TMC2: variants seen among roughly 807,000 people sequenced by gnomAD.
The protein encoded by TMC2 is transmembrane channel like 2, also known as transmembrane channel-like protein 2.
In TMC2, 102 loss-of-function variants were observed where a neutral mutation model predicts 105.9. That is an observed-to-expected ratio of 0.96 (90% CI 0.82 to 1.14). The LOEUF (loss-of-function observed/expected upper bound fraction) is 1.14. TMC2 is among the 50% of genes most tolerant of loss of function. TMC2 has a pLI of 0.00. For missense variants in TMC2, 1,093 were observed against 1,134.3 expected (o/e 0.96, Z 0.52); for synonymous variants, 402 against 422.8 (o/e 0.95, Z 0.60).
chr20:2,578,849 G>A (rs989589312), intron 5 of TMC2, among the ~76,000 whole-genome samples: 11 of 152,182 alleles, frequency 7.2e-5, no homozygotes, highest in East Asian at 3.9e-4. Context: ...ATCAGAAATC[G>A]TACAGAGAAT....
intron 2 of TMC2, among the ~76,000 whole-genome samples, chr20:2,544,477 A>G (rs2085911083): frequency 6.6e-6 from 1 of 152,166 alleles, no homozygotes; most frequent in Non-Finnish European, 1.5e-5. Context: ...CAAATTACCC[A>G]ATTTCTGATT....
chr20:2,582,427 G>A (rs1426747142), intron 7 of TMC2, among the ~76,000 whole-genome samples: 1 of 151,998 alleles, frequency 6.6e-6, no homozygotes, highest in African/African-American at 2.4e-5. Context: ...GAGGGTCCAG[G>A]GATAAGAATA....
chr20:2,631,272 C>T (rs2086601257), intron 17 of TMC2, among the ~76,000 whole-genome samples: 1 of 152,138 alleles, frequency 6.6e-6, no homozygotes, highest in Non-Finnish European at 1.5e-5. Flanking sequence ...CATTTTATGC[C>T]AACTGAATAA....
intron 16 of TMC2, chr20:2,617,579 T>A (rs1761554053): frequency 2.0e-6 from 1 of 496,140 alleles, no homozygotes; most frequent in Non-Finnish European, 3.6e-6. Flanking sequence ...ATTTCTCATG[T>A]ATTTTTCTCA....
At chr20:2,641,038 A>G in intron 19 of TMC2, 96 bp from the exon 20 acceptor site, 1 of 1,075,312 alleles carries the variant, frequency 9.3e-7, no homozygotes, top group Non-Finnish European at 1.4e-6. Context: ...AAATAGGACT[A>G]AAACCTACAC....
At chr20:2,590,381 A>G (rs1011302034) in intron 7 of TMC2, among the ~76,000 whole-genome samples, 2 of 152,144 alleles carry the variant, frequency 1.3e-5, no homozygotes, top group African/African-American at 4.8e-5. Context: ...GCTAGTGGAT[A>G]TATAGTAGTT....
chr20:2,554,033 C>T (rs1205546005), intron 2 of TMC2, among the ~76,000 whole-genome samples: 2 of 151,888 alleles, frequency 1.3e-5, no homozygotes, highest in Non-Finnish European at 2.9e-5. Context: ...TACAGGCACC[C>T]GCCACCATAC....
chr20:2,541,389 C>T (rs2085888864), intron 2 of TMC2, among the ~76,000 whole-genome samples: 1 of 151,908 alleles, frequency 6.6e-6, no homozygotes, highest in African/African-American at 2.4e-5. Flanking sequence ...GCCTGTAATC[C>T]CAGCATTTTG....
In TMC2 at chr20:2,643,280, C is replaced by T. The variant is rs1181446506; in HGVS notation, c.*1929C>T. ...AGGGATCCTGGCACTGTAACCCAAC[C>T]AATCAGGACCAGAAGGCCCAAAGAT... On this transcript the variant is annotated 3_prime_UTR_variant, in exon 20 of 20. Transcript: ENST00000358864. Among the ~76,000 whole-genome samples, 2 of 152,250 alleles carry T rather than the reference C, an allele frequency of 1.3e-5. No individual in the cohort carries two copies. The highest frequency in any genetic ancestry group is 4.8e-5 in the African/African-American group (2 of 41,552).
intron 10 of TMC2, among the ~76,000 whole-genome samples, chr20:2,600,080 A>G (rs1433056496): frequency 6.6e-6 from 1 of 152,170 alleles, no homozygotes; most frequent in African/African-American, 2.4e-5. Flanking sequence ...ACTTCCATCC[A>G]AAGCCAGGGT....
intron 4 of TMC2, among the ~76,000 whole-genome samples, chr20:2,567,467 G>A (rs2086072307): frequency 6.6e-6 from 1 of 152,184 alleles, no homozygotes. Context: ...GAACCAGGAA[G>A]ACCTCAAACT....
At chr20:2,608,721 ACT>A (rs1568522886) in intron 11 of TMC2, among the ~76,000 whole-genome samples, 1 of 151,322 alleles carries the variant, frequency 6.6e-6, no homozygotes, top group African/African-American at 2.4e-5. Context: ...TCTCTCACAC[ACT>A]CTCATCTCTC....
At chr20:2,632,650 C>T (rs1031336137) in intron 17 of TMC2, among the ~76,000 whole-genome samples, 3 of 151,962 alleles carry the variant, frequency 2.0e-5, no homozygotes, top group Admixed American at 2.0e-4. Context: ...AATGCAGTGG[C>T]GAGATCTTGG....
chr20:2,617,531 G>T, intron 16 of TMC2: 1 of 582,056 alleles, frequency 1.7e-6, no homozygotes. Flanking sequence ...AGCCACCTGT[G>T]GCCGTTGAGT....
rs1238848790 is a variant in TMC2 at position 2,558,491 on chromosome 20, G to A, written c.118G>A (p.Ala40Thr). The part of the protein sequence containing the change: ...RLGRRSSSKR[A>T]LKAEGTPGRR... ...GGGAAGGAGATCCTCAAGCAAGCGG[G>A]CTCTCAAAGCCGAGGGGACCCCAGG... Residue 40 changes from alanine (A) to threonine (T), a missense_variant, in exon 3 of 20, where the codon GCT becomes ACT. Physicochemically the swap from Ala to Thr is moderately conservative, Grantham distance 58. Transcript: ENST00000358864. The surrounding 1 kb of genome is among the most constrained non-coding windows in gnomAD (Gnocchi z 4.6). 6.4e-7 allele frequency: 1 copy of A among 1,559,084 alleles called. No individual in the cohort carries two copies. The highest frequency in any genetic ancestry group is 8.7e-7 in the Non-Finnish European group (1 of 1,151,600).
Position 2,616,149 on chromosome 20 carries a change from G to A in TMC2, c.1885G>A (p.Glu629Lys). ...DLEAGFPSYA[E>K]FDISGNVLGL... ...CCTCCCTCTCTAGCCTTCATATGCT[G>A]AGTTTGATATTAGTGGAAATGTGCT... The change falls in exon 15 of 20, where the codon GAG becomes AAG. Residue 629 changes from glutamate to lysine, a missense_variant. Transcript: ENST00000358864. This position sits in a 1 kb window ranked among gnomAD's most constrained non-coding sequence, Gnocchi z 4.8. 6.2e-7 allele frequency: 1 copy of A among 1,612,946 alleles called. No homozygotes were observed.
chr20:2,568,878 C>T (rs922940717), intron 4 of TMC2, among the ~76,000 whole-genome samples: 5 of 152,108 alleles, frequency 3.3e-5, no homozygotes, highest in Admixed American at 6.6e-5. Context: ...CCAATAAAGC[C>T]AGCCTCAAGG....
chr20:2,629,182 T>A (rs997884997), intron 17 of TMC2, among the ~76,000 whole-genome samples: 6 of 152,198 alleles, frequency 3.9e-5, no homozygotes, highest in Non-Finnish European at 7.3e-5. Flanking sequence ...TCTTGAATCT[T>A]CCAGGTCATT....
At chr20:2,626,314 G>C (rs1053259935) in intron 17 of TMC2, among the ~76,000 whole-genome samples, 4 of 152,182 alleles carry the variant, frequency 2.6e-5, no homozygotes, top group African/African-American at 9.6e-5. Flanking sequence ...AGCTCAGCTG[G>C]AGGCTGGAGG....
Sources: allele counts gnomAD v4.1 joint callset (sites outside exome capture counted in the v4.1 genomes callset), GRCh38; gene constraint gnomAD v4.1.1; non-coding constraint Gnocchi (gnomAD v3.1); transcripts MANE v1.5; gene names NCBI Gene and HGNC (gene_info 2026-07-23, HGNC 2026-07-21).